The following SORCS1 variants were observed in gnomAD, a reference collection of about 807,000 sequenced individuals.
SORCS1 encodes the protein sortilin related VPS10 domain containing receptor 1, also known as VPS10 domain-containing receptor SorCS1.
In SORCS1, 60 loss-of-function variants were observed where a neutral mutation model predicts 146.1. That is an observed-to-expected ratio of 0.41 (90% CI 0.33 to 0.51). The LOEUF (loss-of-function observed/expected upper bound fraction) is 0.51, where lower values mean the gene tolerates loss of function less well. Ranked by LOEUF, SORCS1 falls within the 20% of genes least tolerant of loss-of-function variation. SORCS1 has a pLI of 0.21. For synonymous variants in SORCS1, 637 were observed against 584.0 expected, an observed-to-expected ratio of 1.09 and a Z score of -1.31; for missense variants, 1,352 against 1,487.6, an observed-to-expected ratio of 0.91 and a Z score of 1.50.
intron 2 of SORCS1, among the ~76,000 whole-genome samples, chr10:106,906,481 G>T (rs1045908715): frequency 6.6e-6 from 1 of 152,178 alleles, no homozygotes; most frequent in African/African-American, 2.4e-5. Context: ...AATCACGGTG[G>T]GAGGTGAAAG....
At chr10:106,751,348 A>C (rs1187199151) in intron 5 of SORCS1, among the ~76,000 whole-genome samples, 1 of 152,114 alleles carries the variant, frequency 6.6e-6, no homozygotes, top group African/African-American at 2.4e-5. Context: ...ATTAGAAGAG[A>C]CTGCCTCAGA....
chr10:107,140,018 T>C (rs1967676909), intron 1 of SORCS1, among the ~76,000 whole-genome samples: 1 of 152,318 alleles, frequency 6.6e-6, no homozygotes, highest in East Asian at 1.9e-4. Context: ...CCAGTGATTA[T>C]CTAAAGCATG....
intron 3 of SORCS1, among the ~76,000 whole-genome samples, chr10:106,808,287 G>A (rs889997123): frequency 2.6e-5 from 4 of 152,198 alleles, no homozygotes; most frequent in African/African-American, 4.8e-5. Flanking sequence ...CAAAGTGCTG[G>A]AATTACAGGC....
At chr10:107,092,897 A>AAAAAC (rs1554946814) in intron 1 of SORCS1, among the ~76,000 whole-genome samples, 2 of 151,646 alleles carry the variant, frequency 1.3e-5, no homozygotes, top group African/African-American at 2.4e-5. Context: ...AAAAAAAAAA[A>AAAAAC]AAAAAAAAAC....
At chr10:107,081,129 T>C (rs1284976543) in intron 1 of SORCS1, among the ~76,000 whole-genome samples, 3 of 152,186 alleles carry the variant, frequency 2.0e-5, no homozygotes, top group South Asian at 2.1e-4. Context: ...AAAAGCTGTA[T>C]CTCTAAACAC....
At chr10:107,086,611 C>G (rs149011075) in intron 1 of SORCS1, among the ~76,000 whole-genome samples, 2 of 152,236 alleles carry the variant, frequency 1.3e-5, no homozygotes, top group East Asian at 3.9e-4. Context: ...TTATATGGTT[C>G]TCTTTTTTTA....
intron 4 of SORCS1, among the ~76,000 whole-genome samples, chr10:106,774,224 A>G (rs1372577988): frequency 6.6e-6 from 1 of 152,214 alleles, no homozygotes; most frequent in African/African-American, 2.4e-5. Context: ...CTGTAATATC[A>G]TCCCAACTGG....
intron 3 of SORCS1, among the ~76,000 whole-genome samples, chr10:106,781,160 G>A (rs2136414871): frequency 6.6e-6 from 1 of 152,088 alleles, no homozygotes; most frequent in African/African-American, 2.4e-5. Flanking sequence ...TCTTCCCAGA[G>A]GAATGCTGCT....
intron 3 of SORCS1, among the ~76,000 whole-genome samples, chr10:106,787,002 G>T (rs540355550): frequency 6.6e-6 from 1 of 152,222 alleles, no homozygotes; most frequent in South Asian, 2.1e-4. Flanking sequence ...GGGAGCCAAG[G>T]TTGAGTAATT....
At chr10:106,913,991 T>TAC (rs1952290810) in intron 2 of SORCS1, among the ~76,000 whole-genome samples, 1 of 152,150 alleles carries the variant, frequency 6.6e-6, no homozygotes, top group South Asian at 2.1e-4. Context: ...AATCAACCAA[T>TAC]ACACACATCC....
chr10:106,954,217 G>T (rs1954830294), intron 2 of SORCS1, among the ~76,000 whole-genome samples: 1 of 152,116 alleles, frequency 6.6e-6, no homozygotes. Context: ...AGACAAAACT[G>T]CATTATCTAT....
At chr10:107,061,200 A>G (rs962635338) in intron 1 of SORCS1, among the ~76,000 whole-genome samples, 5 of 152,190 alleles carry the variant, frequency 3.3e-5, no homozygotes, top group African/African-American at 1.2e-4. Context: ...AGGGAAGAAC[A>G]TATACAAACA....
intron 1 of SORCS1, among the ~76,000 whole-genome samples, chr10:107,003,359 A>G (rs780554875): frequency 2.6e-5 from 4 of 152,000 alleles, no homozygotes; most frequent in Admixed American, 6.6e-5. Flanking sequence ...ATATAAGAAT[A>G]TTTTGTATAT....
At chr10:106,737,706 CCA>C (rs1299470999) in intron 5 of SORCS1, among the ~76,000 whole-genome samples, 7 of 151,990 alleles carry the variant, frequency 4.6e-5, no homozygotes, top group Non-Finnish European at 8.8e-5. Context: ...CTACCCACCC[CCA>C]CCAAAAAAGG....
chr10:106,668,956 G>C (rs963095228), intron 16 of SORCS1, among the ~76,000 whole-genome samples: 2 of 152,116 alleles, frequency 1.3e-5, no homozygotes, highest in African/African-American at 2.4e-5. Flanking sequence ...GCTACCGGTA[G>C]AACCCCAACA....
At chr10:106,799,446 C>T (rs1289654770) in intron 3 of SORCS1, among the ~76,000 whole-genome samples, 1 of 152,150 alleles carries the variant, frequency 6.6e-6, no homozygotes, top group Non-Finnish European at 1.5e-5. Context: ...AACAGGCAAC[C>T]TACAGAATGG....
intron 1 of SORCS1, among the ~76,000 whole-genome samples, chr10:107,144,725 T>C (rs1260965784): frequency 6.6e-6 from 1 of 152,252 alleles, no homozygotes; most frequent in African/African-American, 2.4e-5. Context: ...CTCCACCTGC[T>C]GAACTCCTTG....
chr10:107,173,382 T>A, the SORCS1 span, among the ~76,000 whole-genome samples: 139 of 152,236 alleles, frequency 9.1e-4, 1 homozygote, highest in Non-Finnish European at 8.8e-5. Flanking sequence ...TAAGTGCTCT[T>A]ACCACACCAA....
At chr10:106,989,986 TACCC>T (rs955671036) in intron 1 of SORCS1, among the ~76,000 whole-genome samples, 1 of 151,516 alleles carries the variant, frequency 6.6e-6, no homozygotes, top group African/African-American at 2.4e-5. Flanking sequence ...ACACCCGGCC[TACCC>T]ATGTTTTCTT....
Sources: gnomAD v4.1 joint callset for allele counts (sites outside exome capture counted in the v4.1 genomes callset) on GRCh38, gnomAD v4.1.1 for gene constraint, MANE v1.5 for transcripts, NCBI Gene and HGNC (gene_info 2026-07-23, HGNC 2026-07-21) for gene names.